Variants in COL20A1 observed in about 807,000 individuals in gnomAD.
COL20A1 encodes collagen type XX alpha 1 chain.
In COL20A1, 164 loss-of-function variants were observed where a neutral mutation model predicts 152.9. The observed-to-expected ratio is 1.07, with a 90% CI of 0.94 to 1.22. The LOEUF (loss-of-function observed/expected upper bound fraction) is 1.22. Among genes scored for constraint, COL20A1 ranks in the 50% most tolerant of loss-of-function variants. The probability of loss-of-function intolerance (pLI) is 0.00; values close to 1 mark genes in which losing one functional copy is unlikely to be tolerated. For missense variants in COL20A1, 1,873 were observed against 1,744.8 expected, an observed-to-expected ratio of 1.07 and a Z score of -1.31; for synonymous variants, 864 against 756.0, an observed-to-expected ratio of 1.14 and a Z score of -2.34.
intron 1 of COL20A1, among the ~76,000 whole-genome samples, chr20:63,294,267 T>C (rs2067757972): frequency 1.4e-5 from 2 of 140,512 alleles, no homozygotes; most frequent in Non-Finnish European, 3.1e-5. Context: ...TCTTCAGCCC[T>C]GGGCGTGGTG....
At chr20:63,307,840 C>A in intron 6 of COL20A1, 131 bp from the exon 7 acceptor site, 1 of 1,261,276 alleles carries the variant, frequency 7.9e-7, no homozygotes. Context: ...GCGTCCTCTC[C>A]CTGGGGACTG....
intron 2 of COL20A1, among the ~76,000 whole-genome samples, chr20:63,297,044 C>T (rs1447509614): frequency 6.6e-6 from 1 of 152,226 alleles, no homozygotes; most frequent in African/African-American, 2.4e-5. Flanking sequence ...ACACCCATCC[C>T]CCATCGCGGG....
chr20:63,315,426 C>A lies in COL20A1; in HGVS notation c.2511C>A (p.Asp837Glu). ...CAGCCTGCCCAGCCCTCCGCCCTGA[C>A]GGCTCCCTCCCAGGTGGGTCCTGCA... ...GQTACPALRP[D>E]GSLPGFDLMV... The change falls in exon 20 of 36, where the codon GAC becomes GAA. Residue 837 changes from aspartate (D) to glutamate (E), a missense_variant. Coordinates refer to ENST00000358894, the MANE Select transcript of COL20A1 (RefSeq NM_020882.4). 6.3e-7 allele frequency: 1 copy of A among 1,579,290 alleles called. No homozygotes were observed. Among genetic ancestry groups the A allele is most frequent in the Non-Finnish European group, 8.6e-7 (1 of 1,167,570 alleles).
intron 34 of COL20A1, 65 bp from the exon 35 acceptor site, chr20:63,329,520 C>G (rs2068303626): frequency 3.3e-5 from 43 of 1,286,574 alleles, no homozygotes; most frequent in South Asian, 3.1e-4. Context: ...CCCTCTGTCC[C>G]CGTCAGAACA....
intron 31 of COL20A1, chr20:63,327,276 A>G (rs190026964): frequency 3.8e-4 from 70 of 184,254 alleles, no homozygotes; most frequent in African/African-American, 1.4e-3. Context: ...GGGACTTCCT[A>G]TTGACCACTC....
intron 3 of COL20A1, among the ~76,000 whole-genome samples, chr20:63,298,576 C>T (rs1228648011): frequency 2.0e-5 from 3 of 152,162 alleles, no homozygotes; most frequent in Non-Finnish European, 4.4e-5. Flanking sequence ...GCGTGAACCA[C>T]CATGCCCGGT....
intron 1 of COL20A1, among the ~76,000 whole-genome samples, chr20:63,294,127 GGGAGCGGAGTGTGA>G: frequency 9.5e-6 from 1 of 104,724 alleles, no homozygotes; most frequent in Admixed American, 9.4e-5. Flanking sequence ...GGGAGTGCAG[GGGAGCGGAGTGTGA>G]GGGGAGGGGG....
rs1384091046 is a variant in COL20A1 at position 63,295,057 on chromosome 20, CGGGGGGACGGCTGAAGGGCATGGCCTCT to C, written c.-10-40_-10-13del. ...GCGTTGTGGTCAGGGAGAGGACAGACGGGGGGACGGCTGAAGGGCATGGCCTCTTCCCTGCCACAGCCCGAGCACCATG... is the reference window on the plus strand; with the variant it reads ...GCGTTGTGGTCAGGGAGAGGACAGACTCCCTGCCACAGCCCGAGCACCATG... On this transcript the variant is annotated splice_polypyrimidine_tract_variant and intron_variant, in intron 1 of 35. Transcript: ENST00000358894. 1 of 1,331,144 alleles carries C rather than the reference CGGGGGGACGGCTGAAGGGCATGGCCTCT, an allele frequency of 7.5e-7. No homozygotes were observed. Among genetic ancestry groups the C allele is most frequent in the African/African-American group, 1.5e-5 (1 of 68,316 alleles). The allele number at this position is 1,331,144 out of a possible 1,614,324, so 82.5% of individuals were successfully genotyped here.
chr20:63,300,479 A>G (rs1380244127), intron 3 of COL20A1, among the ~76,000 whole-genome samples: 1 of 152,260 alleles, frequency 6.6e-6, no homozygotes, highest in Non-Finnish European at 1.5e-5. Context: ...ATTTTATATA[A>G]ATTTCCTGAT....
In COL20A1 at chr20:63,313,962, T is replaced by C. The variant is rs1055313633; in HGVS notation, c.2358+71T>C. On this transcript the variant is annotated intron_variant, in intron 18 of 35. Coordinates refer to ENST00000358894, the MANE Select transcript of COL20A1 (RefSeq NM_020882.4). This position sits in a 1 kb window ranked among gnomAD's most constrained non-coding sequence, Gnocchi z 5.9. The stretch of plus-strand genomic sequence containing the variant: ...CTGGAAGGGGTATGGCCACACTGTC[T>C]GCGAAGGGTGGCAGCTCTGCCATGG... The C allele has an allele frequency of 6.3e-7, 1 of 1,591,172 alleles. No homozygotes were observed. The highest frequency in any genetic ancestry group is 8.6e-7 in the Non-Finnish European group (1 of 1,168,314).
intron 3 of COL20A1, among the ~76,000 whole-genome samples, chr20:63,301,036 C>G (rs6062880): frequency 6.6e-6 from 1 of 152,080 alleles, no homozygotes. Flanking sequence ...CCTTGCTGGC[C>G]GGGCGTGGTG....
chr20:63,304,905 TCC>T (rs1198015667), intron 3 of COL20A1, among the ~76,000 whole-genome samples: 1 of 152,244 alleles, frequency 6.6e-6, no homozygotes, highest in Admixed American at 6.5e-5. Flanking sequence ...TATGGCAGTG[TCC>T]CCTTTGGAAT....
In COL20A1 at chr20:63,313,656, G is replaced by A. The variant is rs1601422927; in HGVS notation, c.2210-87G>A. 3.1e-6 allele frequency: 4 copies of A among 1,304,282 alleles called. No homozygotes were observed. In the Admixed American group the frequency reaches 8.3e-5, roughly 27 times the overall value. 80.8% of individuals were successfully genotyped at this position (1,304,282 alleles called of 1,614,324 possible). On this transcript the variant is annotated intron_variant, in intron 17 of 35. Coordinates refer to ENST00000358894, the MANE Select transcript of COL20A1 (RefSeq NM_020882.4). This position sits in a 1 kb window ranked among gnomAD's most constrained non-coding sequence, Gnocchi z 5.9. ...TGGTGGAGGCATTACGCAGAGCAGG[G>A]TAGGGGCTGGGCAGCTGGTCCTCTG...
chr20:63,328,476 T>C lies in COL20A1; in HGVS notation c.3759T>C (p.Gly1253=). 6.2e-6 allele frequency: 10 copies of C among 1,611,946 alleles called. No homozygotes were observed. The highest frequency in any genetic ancestry group is 8.5e-6 in the Non-Finnish European group (10 of 1,179,354). The stretch of plus-strand genomic sequence containing the variant: ...TGGTTCCTGGAGAATGGGGGCGTGG[T>C]GGCCGCCACCTTGAGGGCAGAGGTA... ...KALVPGEWGR[G]GRHLEGRGEP... The change falls in exon 34 of 36, where the codon GGT becomes GGC. Residue 1253 remains glycine (G), a synonymous_variant. Transcript: ENST00000358894.
intron 19 of COL20A1, among the ~76,000 whole-genome samples, chr20:63,315,024 G>C (rs1045185433): frequency 6.6e-6 from 1 of 151,910 alleles, no homozygotes; most frequent in Admixed American, 6.6e-5. Context: ...CCCAGGACAC[G>C]TGTGCCCCCA....
intron 7 of COL20A1, 124 bp downstream of exon 7, chr20:63,308,214 C>T (rs2067955711): frequency 1.7e-6 from 2 of 1,195,080 alleles, no homozygotes; most frequent in Non-Finnish European, 2.4e-6. Context: ...CCTGTTCACA[C>T]CTTTATAGAG....
chr20:63,312,859 G>A lies in COL20A1; in HGVS notation c.2001G>A (p.Trp667Ter). The change falls in exon 16 of 36, where the codon TGG becomes TGA. Residue 667 changes from tryptophan to a stop codon, truncating the protein, a stop_gained. Transcript: ENST00000358894. LOFTEE classifies it high-confidence loss of function. ...ELPGDAVQLA[W>*]VAAAPSGVLV... ...CAGGGGATGCAGTCCAGCTGGCGTG[G>A]GTGGCCGCAGCCCCGTCTGGCGTGC... is the stretch of plus-strand genomic sequence containing the variant. 6.4e-7 allele frequency: 1 copy of A among 1,557,102 alleles called. No homozygotes were observed. Among genetic ancestry groups the A allele is most frequent in the Non-Finnish European group, 8.7e-7 (1 of 1,150,760 alleles).
At chr20:63,317,087 A>G (rs2068094396) in intron 21 of COL20A1, among the ~76,000 whole-genome samples, 1 of 152,054 alleles carries the variant, frequency 6.6e-6, no homozygotes. Flanking sequence ...ACAATTCCTG[A>G]TATCTCATGA....
chr20:63,293,663 C>T (rs140016309), intron 1 of COL20A1, among the ~76,000 whole-genome samples: 87 of 152,212 alleles, frequency 5.7e-4, no homozygotes, highest in African/African-American at 2.0e-3. Context: ...TGGGGGCACT[C>T]GGGCTGCCCA....
Sources: allele counts gnomAD v4.1 joint callset (sites outside exome capture counted in the v4.1 genomes callset), GRCh38; gene constraint gnomAD v4.1.1; non-coding constraint Gnocchi (gnomAD v3.1); transcripts MANE v1.5; gene names NCBI Gene and HGNC (gene_info 2026-07-23, HGNC 2026-07-21).